NPAS3: variants seen among roughly 807,000 people sequenced by gnomAD.
NPAS3 encodes neuronal PAS domain protein 3, also known as neuronal PAS domain-containing protein 3.
In NPAS3, 14 loss-of-function variants were observed where a neutral mutation model predicts 73.1. The observed-to-expected ratio is 0.19, with a 90% CI of 0.13 to 0.30. The LOEUF (loss-of-function observed/expected upper bound fraction) is 0.30. Among genes scored for constraint, NPAS3 ranks in the 10% least tolerant of loss-of-function variants. The pLI, the probability that NPAS3 is intolerant of heterozygous loss-of-function variation, is 1.00. For synonymous variants in NPAS3, 620 were observed against 541.5 expected (o/e 1.14, Z -2.01); for missense variants, 1,096 against 1,250.0 (o/e 0.88, Z 1.86).
intron 6 of NPAS3, among the ~76,000 whole-genome samples, chr14:33,727,704 G>A (rs946259549): frequency 6.6e-6 from 1 of 152,018 alleles, no homozygotes; most frequent in African/African-American, 2.4e-5. Context: ...GTTTTTATAT[G>A]AAGAATTGGC....
chr14:33,174,989 A>G (rs1032739608), intron 2 of NPAS3, among the ~76,000 whole-genome samples: 1 of 152,210 alleles, frequency 6.6e-6, no homozygotes, highest in Non-Finnish European at 1.5e-5. Flanking sequence ...GTTGATATGA[A>G]AAAGGAAACA....
intron 6 of NPAS3, among the ~76,000 whole-genome samples, chr14:33,707,664 A>G (rs1184476601): frequency 6.6e-6 from 1 of 152,234 alleles, no homozygotes; most frequent in East Asian, 1.9e-4. Flanking sequence ...TGGAGCTAAT[A>G]GAAGGGAACA....
At chr14:33,600,626 T>C (rs149365674) in intron 5 of NPAS3, among the ~76,000 whole-genome samples, 2,569 of 152,302 alleles carry the variant, frequency 0.017, 41 homozygotes, top group Non-Finnish European at 0.024. Context: ...GGCTTGCCCA[T>C]AGTTATAAAA....
chr14:33,084,111 C>T (rs567870401), intron 2 of NPAS3, among the ~76,000 whole-genome samples: 10 of 152,276 alleles, frequency 6.6e-5, no homozygotes, highest in African/African-American at 2.2e-4. Flanking sequence ...GGTGTAATCA[C>T]ATCACCCAAA....
chr14:33,506,588 C>A (rs369590234), intron 4 of NPAS3, among the ~76,000 whole-genome samples: 1 of 151,930 alleles, frequency 6.6e-6, no homozygotes, highest in Non-Finnish European at 1.5e-5. Flanking sequence ...CCATCTTCTA[C>A]GAAATAAATC....
chr14:33,449,760 C>T (rs1002113931), intron 4 of NPAS3, among the ~76,000 whole-genome samples: 9 of 152,000 alleles, frequency 5.9e-5, no homozygotes, highest in African/African-American at 1.9e-4. Context: ...CTCTTTTATT[C>T]CCCCCCAGGC....
At chr14:33,781,071 T>C (rs1209855553) in intron 9 of NPAS3, among the ~76,000 whole-genome samples, 2 of 152,200 alleles carry the variant, frequency 1.3e-5, no homozygotes, top group African/African-American at 4.8e-5. Context: ...CATATTTAGC[T>C]ATCATGCTGT....
intron 4 of NPAS3, among the ~76,000 whole-genome samples, chr14:33,551,699 T>C (rs548060709): frequency 7.5e-4 from 115 of 152,334 alleles, no homozygotes; most frequent in South Asian, 1.2e-3. Flanking sequence ...CAGTCTTACA[T>C]ACCAGCTGCC....
chr14:33,679,259 G>A (rs1262505026), intron 6 of NPAS3, among the ~76,000 whole-genome samples: 1 of 152,154 alleles, frequency 6.6e-6, no homozygotes, highest in Non-Finnish European at 1.5e-5. Context: ...TGCAGTGTTG[G>A]TTATTTTCTA....
At chr14:33,616,792 T>C (rs1290759373) in intron 5 of NPAS3, among the ~76,000 whole-genome samples, 1 of 152,192 alleles carries the variant, frequency 6.6e-6, no homozygotes. Flanking sequence ...TAATCTGAGC[T>C]AAAACATAGT....
At chr14:33,600,066 T>C (rs2057354426) in intron 5 of NPAS3, among the ~76,000 whole-genome samples, 1 of 152,196 alleles carries the variant, frequency 6.6e-6, no homozygotes, top group Admixed American at 6.5e-5. Flanking sequence ...CCAAAAACTG[T>C]AATAACTCCT....
chr14:33,246,979 G>C (rs551456087), intron 3 of NPAS3, among the ~76,000 whole-genome samples: 1 of 151,196 alleles, frequency 6.6e-6, no homozygotes, highest in Non-Finnish European at 1.5e-5. Flanking sequence ...ATGTTATTGC[G>C]CTCCCACCTG....
intron 1 of NPAS3, among the ~76,000 whole-genome samples, chr14:32,999,873 T>C (rs1404463388): frequency 1.3e-5 from 2 of 152,224 alleles, no homozygotes; most frequent in Non-Finnish European, 2.9e-5. Context: ...AAGTGTTGCA[T>C]AGACTCTGGA....
At chr14:33,477,162 T>G (rs1378947994) in intron 4 of NPAS3, among the ~76,000 whole-genome samples, 1 of 152,170 alleles carries the variant, frequency 6.6e-6, no homozygotes, top group Non-Finnish European at 1.5e-5. Flanking sequence ...GCTTCTTTTG[T>G]CTTTTAAAAA....
chr14:33,095,665 T>TA (rs796832615), intron 2 of NPAS3, among the ~76,000 whole-genome samples: 1 of 134,730 alleles, frequency 7.4e-6, no homozygotes, highest in African/African-American at 3.0e-5. Context: ...TGCTTTTATT[T>TA]TTTTATTTTT....
chr14:33,052,153 G>A (rs982007897), intron 1 of NPAS3, among the ~76,000 whole-genome samples: 1 of 152,156 alleles, frequency 6.6e-6, no homozygotes, highest in Non-Finnish European at 1.5e-5. Context: ...TTGCAGTTCA[G>A]ACACCTGTAT....
At chr14:32,989,541 G>A (rs2038233733) in intron 1 of NPAS3, among the ~76,000 whole-genome samples, 1 of 152,062 alleles carries the variant, frequency 6.6e-6, no homozygotes, top group African/African-American at 2.4e-5. Flanking sequence ...CTACGCGGCA[G>A]GCTGAGGCAG....
At chr14:33,557,744 C>T (rs954734023) in intron 4 of NPAS3, among the ~76,000 whole-genome samples, 1 of 152,132 alleles carries the variant, frequency 6.6e-6, no homozygotes, top group Admixed American at 6.5e-5. Context: ...CCGAGGCGGG[C>T]AGATCACGAG....
At chr14:33,164,329 C>A (rs1015521794) in intron 2 of NPAS3, among the ~76,000 whole-genome samples, 2 of 152,068 alleles carry the variant, frequency 1.3e-5, no homozygotes, top group Admixed American at 1.3e-4. Context: ...CTTCACTTAT[C>A]AGAGAATGGA....
Sources: gnomAD v4.1 joint callset for allele counts (sites outside exome capture counted in the v4.1 genomes callset) on GRCh38, gnomAD v4.1.1 for gene constraint, MANE v1.5 for transcripts, NCBI Gene and HGNC (gene_info 2026-07-23, HGNC 2026-07-21) for gene names.